Variants in IMMP2L observed in about 807,000 individuals in gnomAD.
IMMP2L encodes mitochondrial inner membrane protease subunit 2.
IMMP2L carries 18 observed loss-of-function variants against 19.3 expected under a neutral mutation model. The ratio of observed to expected loss-of-function variants is 0.93; its 90% confidence interval spans 0.64 to 1.38. The LOEUF (loss-of-function observed/expected upper bound fraction) is 1.38, where lower values mean the gene tolerates loss of function less well. IMMP2L is among the 40% of genes most tolerant of loss of function. IMMP2L has a pLI of 0.00. For synonymous variants in IMMP2L, 76 were observed against 73.0 expected, an observed-to-expected ratio of 1.04 and a Z score of -0.21; for missense variants, 233 against 218.2, an observed-to-expected ratio of 1.07 and a Z score of -0.43.
chr7:111,259,573 G>A (rs1473055928), intron 3 of IMMP2L, among the ~76,000 whole-genome samples: 2 of 152,012 alleles, frequency 1.3e-5, no homozygotes, highest in African/African-American at 4.8e-5. Flanking sequence ...AGGAGTTCAA[G>A]GATGCAGTGG....
rs55870657 is a variant in IMMP2L, at chr7:110,668,137, A to G, written c.409-4416T>C. Reference sequence around the variant, plus strand: ...TTTTAAAGTCTCCTCACCCCACCTAACCCTAGTGATTCTGCTGATTACTCA... The same window carrying G: ...TTTTAAAGTCTCCTCACCCCACCTAGCCCTAGTGATTCTGCTGATTACTCA... On this transcript the variant is annotated intron_variant, in intron 5 of 5. Coordinates refer to ENST00000405709, the MANE Select transcript of IMMP2L (RefSeq NM_032549.4). Among the ~76,000 whole-genome samples, 65 of 151,892 alleles carry G rather than the reference A, an allele frequency of 4.3e-4. No homozygotes were observed. The East Asian group carries it at 0.012, about 29-fold the overall frequency.
intron 3 of IMMP2L, among the ~76,000 whole-genome samples, chr7:111,023,281 C>A (rs937718162): frequency 1.3e-5 from 2 of 152,168 alleles, no homozygotes; most frequent in Non-Finnish European, 2.9e-5. Context: ...CATGCACTCA[C>A]AAAATGCCAT....
chr7:110,769,175 G>T (rs1306190915), intron 5 of IMMP2L, among the ~76,000 whole-genome samples: 1 of 152,098 alleles, frequency 6.6e-6, no homozygotes, highest in Non-Finnish European at 1.5e-5. Context: ...TTGAATGCTA[G>T]TGCTCTTTCC....
chr7:111,195,981 C>T (rs934736615), intron 3 of IMMP2L, among the ~76,000 whole-genome samples: 12 of 152,052 alleles, frequency 7.9e-5, no homozygotes, highest in Non-Finnish European at 1.3e-4. Flanking sequence ...ATTCTCCCAC[C>T]TTAGCCTCCA....
chr7:111,120,213 C>A (rs1289599629), intron 3 of IMMP2L, among the ~76,000 whole-genome samples: 1 of 151,978 alleles, frequency 6.6e-6, no homozygotes, highest in African/African-American at 2.4e-5. Context: ...TGCATTAATC[C>A]GTTCTCATGC....
chr7:111,293,933 T>G (rs1463710569), intron 3 of IMMP2L, among the ~76,000 whole-genome samples: 1 of 151,998 alleles, frequency 6.6e-6, no homozygotes, highest in Non-Finnish European at 1.5e-5. Context: ...GCAATCAAGT[T>G]AGTAGGTCAT....
At chr7:110,737,241 T>C (rs528208227) in intron 5 of IMMP2L, among the ~76,000 whole-genome samples, 1 of 152,296 alleles carries the variant, frequency 6.6e-6, no homozygotes, top group African/African-American at 2.4e-5. Context: ...ACTGTGAGTC[T>C]GCTTAATTTC....
chr7:111,265,395 GATAAAT>G (rs1203390409), intron 3 of IMMP2L, among the ~76,000 whole-genome samples: 2 of 152,166 alleles, frequency 1.3e-5, no homozygotes, highest in Admixed American at 6.5e-5. Flanking sequence ...AATGGAATCT[GATAAAT>G]ATCAATTTGA....
rs186491623 is a variant in IMMP2L, at chr7:111,067,671, G to C, written c.240-104106C>G. Among the ~76,000 whole-genome samples the C allele has an allele frequency of 4.3e-3, 647 of 152,172 alleles. 3 individuals carry two copies. Among genetic ancestry groups the C allele is most frequent in the African/African-American group, 0.015 (627 of 41,512 alleles). ...CACCAATACAGAAAAGCACTATTTC[G>C]TAGGAAAACTGATGCTCAAAGAGAC... On this transcript the variant is annotated intron_variant, in intron 3 of 5. Transcript: ENST00000405709.
Position 111,539,212 on chromosome 7 carries a change from A to AGGAAGGAAGG in IMMP2L, c.-2-17764_-2-17763insCCTTCCTTCC, listed in dbSNP as rs879550080. 1.6e-4 allele frequency among the ~76,000 whole-genome samples: 12 copies of AGGAAGGAAGG among 74,472 alleles called. 2 individuals are homozygous for AGGAAGGAAGG. Among genetic ancestry groups the AGGAAGGAAGG allele is most frequent in the African/African-American group, 2.8e-4 (5 of 17,994 alleles). 48.9% of individuals were successfully genotyped at this position (74,472 alleles called of 152,430 possible). On this transcript the variant is annotated intron_variant, in intron 1 of 5. Transcript: ENST00000405709. ...GGAAGGAGGGAGAAAGAAAGAAAGA[A>AGGAAGGAAGG]AGAAAGAAAGAAAGAAAGAAAGAAA...
intron 3 of IMMP2L, among the ~76,000 whole-genome samples, chr7:111,278,452 C>CA (rs948622411): frequency 2.6e-5 from 4 of 151,874 alleles, no homozygotes; most frequent in South Asian, 4.2e-4. Flanking sequence ...CTTTTATTGT[C>CA]AAAAAAACAC....
intron 5 of IMMP2L, among the ~76,000 whole-genome samples, chr7:110,860,973 A>T (rs1381787918): frequency 6.8e-6 from 1 of 146,372 alleles, no homozygotes; most frequent in Non-Finnish European, 1.5e-5. Flanking sequence ...AAAAATACTA[A>T]TGTCATTATT....
chr7:111,000,101 T>G (rs778953617), intron 3 of IMMP2L, among the ~76,000 whole-genome samples: 3 of 152,120 alleles, frequency 2.0e-5, no homozygotes, highest in Admixed American at 6.6e-5. Flanking sequence ...GTTGTGGTTG[T>G]TTTCCTAGGC....
intron 3 of IMMP2L, among the ~76,000 whole-genome samples, chr7:111,030,884 GTATATATATATA>G (rs57774530): frequency 0.02 from 2,577 of 127,112 alleles, 54 homozygotes; most frequent in South Asian, 0.032. Context: ...GTGTGTGTGT[GTATATATATATA>G]TATATATATA....
At chr7:111,451,848 C>T (rs1347938496) in intron 3 of IMMP2L, among the ~76,000 whole-genome samples, 2 of 151,876 alleles carry the variant, frequency 1.3e-5, no homozygotes, top group Admixed American at 6.6e-5. Flanking sequence ...CTCGATATAT[C>T]ACTAGAAGCA....
intron 3 of IMMP2L, among the ~76,000 whole-genome samples, chr7:111,334,154 G>A (rs1207937270): frequency 6.6e-6 from 1 of 151,754 alleles, no homozygotes; most frequent in Non-Finnish European, 1.5e-5. Flanking sequence ...ATTTTTAAGT[G>A]TATAATTTGG....
At chr7:111,524,450 CTTATGT>C (rs1313798766) in intron 1 of IMMP2L, among the ~76,000 whole-genome samples, 1 of 151,992 alleles carries the variant, frequency 6.6e-6, no homozygotes, top group East Asian at 1.9e-4. Flanking sequence ...GTGGTCTACA[CTTATGT>C]TTAAGTCATA....
chr7:111,042,650 T>C (rs1239078943), intron 3 of IMMP2L, among the ~76,000 whole-genome samples: 1 of 152,206 alleles, frequency 6.6e-6, no homozygotes, highest in Non-Finnish European at 1.5e-5. Flanking sequence ...TGATCTATTT[T>C]ATACTCCGCC....
intron 3 of IMMP2L, among the ~76,000 whole-genome samples, chr7:111,137,535 G>A (rs1802465751): frequency 6.6e-6 from 1 of 151,938 alleles, no homozygotes; most frequent in African/African-American, 2.4e-5. Context: ...ATAAGAAAAG[G>A]CAAATATAAT....
Sources: gnomAD v4.1 joint callset for allele counts (sites outside exome capture counted in the v4.1 genomes callset) on GRCh38, gnomAD v4.1.1 for gene constraint, MANE v1.5 for transcripts, NCBI Gene and HGNC (gene_info 2026-07-23, HGNC 2026-07-21) for gene names.